Variants in ITCH observed in about 807,000 individuals in gnomAD.
ITCH encodes E3 ubiquitin-protein ligase Itchy homolog.
In ITCH, 28 loss-of-function variants were observed where a neutral mutation model predicts 126.8. The observed-to-expected ratio is 0.22, with a 90% CI of 0.16 to 0.30. The LOEUF (loss-of-function observed/expected upper bound fraction) is 0.30. Among genes scored for constraint, ITCH ranks in the 10% least tolerant of loss-of-function variants. ITCH has a pLI of 1.00. For missense variants in ITCH, 631 were observed against 1,032.4 expected, an observed-to-expected ratio of 0.61 and a Z score of 5.33; for synonymous variants, 342 against 340.0, an observed-to-expected ratio of 1.01 and a Z score of -0.06.
chr20:34,492,374 G>A, intron 22 of ITCH, 127 bp from the exon 23 acceptor site: 1 of 620,904 alleles, frequency 1.6e-6, no homozygotes, highest in East Asian at 3.0e-5. Flanking sequence ...CCCAGCCTGG[G>A]CCACAGAGCC....
At chr20:34,462,853 C>A (rs1348980697) in intron 14 of ITCH, among the ~76,000 whole-genome samples, 2 of 152,290 alleles carry the variant, frequency 1.3e-5, no homozygotes, top group Non-Finnish European at 2.9e-5. Flanking sequence ...TGGAGTCATA[C>A]AATATTTATG....
intron 2 of ITCH, among the ~76,000 whole-genome samples, chr20:34,385,231 T>G (rs1359340755): frequency 6.8e-6 from 1 of 146,724 alleles, no homozygotes; most frequent in Non-Finnish European, 1.5e-5. Flanking sequence ...GGTTTTTTTT[T>G]TTTTTTTTTT....
At chr20:34,408,821 TG>T in intron 4 of ITCH, 29 bp downstream of exon 4, 6 of 1,610,158 alleles carry the variant, frequency 3.7e-6, no homozygotes, top group Non-Finnish European at 5.1e-6. Flanking sequence ...TTCTGTAGTA[TG>T]TTTTGTTTAG....
chr20:34,441,595 T>TTTTTTTC (rs1385647876), intron 9 of ITCH: 1 of 150,430 alleles, frequency 6.6e-6, no homozygotes, highest in Non-Finnish European at 1.5e-5. Context: ...CAGCTAATTT[T>TTTTTTTC]TTTTTTTTGA....
chr20:34,395,093 C>T (rs932883212), intron 3 of ITCH, among the ~76,000 whole-genome samples: 6 of 151,820 alleles, frequency 4.0e-5, no homozygotes, highest in Non-Finnish European at 7.4e-5. Flanking sequence ...ATTAGCTGTG[C>T]GTGGCGGTGC....
chr20:34,399,462 G>A (rs1455639811), intron 3 of ITCH, among the ~76,000 whole-genome samples: 1 of 152,052 alleles, frequency 6.6e-6, no homozygotes, highest in African/African-American at 2.4e-5. Flanking sequence ...GGGATAACTG[G>A]TCAGGAAAAA....
At chr20:34,502,791 G>T (rs1990344564) in intron 23 of ITCH, among the ~76,000 whole-genome samples, 2 of 152,010 alleles carry the variant, frequency 1.3e-5, no homozygotes, top group African/African-American at 2.4e-5. Flanking sequence ...GGCCAAGGTG[G>T]GTTGATCACT....
chr20:34,412,395 G>A (rs1165989421), intron 4 of ITCH, 120 bp from the exon 5 acceptor site: 4 of 725,042 alleles, frequency 5.5e-6, no homozygotes, highest in Non-Finnish European at 9.4e-6. Context: ...TGATTGTATA[G>A]TAAACTGTAA....
At chr20:34,389,836 C>T (rs369095822) in intron 2 of ITCH, among the ~76,000 whole-genome samples, 1 of 150,484 alleles carries the variant, frequency 6.6e-6, no homozygotes, top group South Asian at 2.1e-4. Flanking sequence ...TGAAGAACAC[C>T]TTGGTATGCA....
At chr20:34,445,990 T>C (rs1984403393) in intron 11 of ITCH, among the ~76,000 whole-genome samples, 1 of 152,210 alleles carries the variant, frequency 6.6e-6, no homozygotes, top group Admixed American at 6.5e-5. Context: ...ATCTTTGATA[T>C]AAAATCATTT....
At chr20:34,486,679 T>TTATTTATTTATG (rs1989143668) in intron 20 of ITCH, among the ~76,000 whole-genome samples, 1 of 150,812 alleles carries the variant, frequency 6.6e-6, no homozygotes, top group Non-Finnish European at 1.5e-5. Context: ...ATTTATTTAT[T>TTATTTATTTATG]TATTTATTAT....
At chr20:34,480,833 T>A in intron 19 of ITCH, 101 bp downstream of exon 19, 1 of 1,065,112 alleles carries the variant, frequency 9.4e-7, no homozygotes, top group Admixed American at 2.5e-5. Context: ...TGGTTTATTG[T>A]ATTTAAATGA....
At chr20:34,408,221 C>T (rs932509997) in intron 3 of ITCH, among the ~76,000 whole-genome samples, 2 of 151,476 alleles carry the variant, frequency 1.3e-5, no homozygotes, top group East Asian at 1.9e-4. Context: ...GACTGGCACA[C>T]GCCACTGTGC....
chr20:34,410,775 A>G (rs1403479135), intron 4 of ITCH, among the ~76,000 whole-genome samples: 1 of 152,174 alleles, frequency 6.6e-6, no homozygotes, highest in Admixed American at 6.5e-5. Flanking sequence ...ATGGTCACCT[A>G]ATTTCCTCCA....
intron 4 of ITCH, among the ~76,000 whole-genome samples, chr20:34,409,458 A>G (rs182699222): frequency 4.4e-4 from 67 of 152,028 alleles, no homozygotes; most frequent in African/African-American, 1.6e-3. Context: ...CTCTCTCTCA[A>G]CCTTCCCGGC....
chr20:34,412,598 C>T lies in ITCH; in HGVS notation c.296C>T (p.Ala99Val). Residue 99 changes from alanine (A) to valine (V), a missense_variant, in exon 5 of 25, where the codon GCA becomes GTA. Ala to Val is a moderately conservative substitution (Grantham distance 64, BLOSUM62 0). This residue lies in a region of ITCH where 220 missense variants were observed against 265.7 expected (regional missense o/e 0.83). Coordinates refer to ENST00000374864, the MANE Select transcript of ITCH (RefSeq NM_031483.7). ...LKSDVLLGTA[A>V]LDIYETLKSN... ...TCTGATGTTTTGTTGGGAACTGCTG[C>T]ATTAGATATTTATGAAACATTAAAG... is the stretch of plus-strand genomic sequence containing the variant. 6.2e-7 allele frequency: 1 copy of T among 1,603,916 alleles called. No homozygotes were observed. The highest frequency in any genetic ancestry group is 8.5e-7 in the Non-Finnish European group (1 of 1,171,004).
At chr20:34,399,805 C>T (rs964026506) in intron 3 of ITCH, among the ~76,000 whole-genome samples, 1 of 152,148 alleles carries the variant, frequency 6.6e-6, no homozygotes, top group African/African-American at 2.4e-5. Flanking sequence ...CGCACCCCTA[C>T]ACTCCAGTGG....
chr20:34,431,761 C>T (rs992895235), intron 7 of ITCH, among the ~76,000 whole-genome samples: 5 of 151,578 alleles, frequency 3.3e-5, no homozygotes, highest in Admixed American at 2.0e-4. Context: ...GACATTTGGC[C>T]GGTGGCGGTG....
At chr20:34,503,837 C>CTTTTGGGTT (rs1990421318) in intron 23 of ITCH, among the ~76,000 whole-genome samples, 1 of 90,994 alleles carries the variant, frequency 1.1e-5, no homozygotes, top group African/African-American at 4.3e-5. Context: ...TTGTTGGTTG[C>CTTTTGGGTT]TTTTGGGTTT....
Sources: allele counts gnomAD v4.1 joint callset (sites outside exome capture counted in the v4.1 genomes callset), GRCh38; gene constraint gnomAD v4.1.1; regional missense constraint gnomAD v4.1.1; transcripts MANE v1.5; gene names NCBI Gene and HGNC (gene_info 2026-07-23, HGNC 2026-07-21).